ENPP2: variants seen among roughly 807,000 people sequenced by gnomAD.
ENPP2 encodes the protein ectonucleotide pyrophosphatase/phosphodiesterase 2, also known as autotaxin.
ENPP2 carries 51 observed loss-of-function variants against 120.2 expected under a neutral mutation model. The ratio of observed to expected loss-of-function variants is 0.42; its 90% CI spans 0.34 to 0.54. ENPP2 has a LOEUF of 0.54. ENPP2 is among the 20% of genes least tolerant of loss of function. The probability of loss-of-function intolerance (pLI) is 0.04; values close to 1 mark genes in which losing one functional copy is unlikely to be tolerated. For synonymous variants in ENPP2, 365 were observed against 366.4 expected, an observed-to-expected ratio of 1.00 and a Z score of 0.04; for missense variants, 920 against 1,066.5, an observed-to-expected ratio of 0.86 and a Z score of 1.91.
In ENPP2 at chr8:119,597,643, T is replaced by C. The variant is rs369715533; in HGVS notation, c.972+3035A>G. Among the ~76,000 whole-genome samples, 124 of 152,292 alleles carry C rather than the reference T, an allele frequency of 8.1e-4. 2 individuals carry two copies. The South Asian group carries it at 0.025, about 31-fold the overall frequency. ...GGTAGAGACTAGCCAGCCAAAGCTC[T>C]GCCTGTAGGCCCGGAAGAGCAGCCG... On this transcript the variant is annotated intron_variant, in intron 11 of 24. Transcript: ENST00000075322.
intron 19 of ENPP2, among the ~76,000 whole-genome samples, chr8:119,576,461 A>G (rs1462772891): frequency 1.3e-5 from 2 of 152,130 alleles, no homozygotes; most frequent in Non-Finnish European, 2.9e-5. Context: ...TCATTTTCCT[A>G]TCCAAACTAA....
chr8:119,595,138 T>A (rs1271568144), intron 11 of ENPP2, among the ~76,000 whole-genome samples: 1 of 152,226 alleles, frequency 6.6e-6, no homozygotes. Context: ...ATGAACAATG[T>A]GTTTTGATCT....
chr8:119,601,792 G>A (rs1814330405), intron 9 of ENPP2, among the ~76,000 whole-genome samples: 1 of 152,084 alleles, frequency 6.6e-6, no homozygotes, highest in African/African-American at 2.4e-5. Context: ...ATTCTGTCGA[G>A]CCTTTAGCTG....
intron 1 of ENPP2, among the ~76,000 whole-genome samples, chr8:119,667,623 C>G: frequency 6.6e-6 from 1 of 152,212 alleles, no homozygotes; most frequent in East Asian, 1.9e-4. Flanking sequence ...TTAATCCACT[C>G]TTGTCATCTT....
intron 11 of ENPP2, among the ~76,000 whole-genome samples, chr8:119,599,069 T>C (rs1212651797): frequency 1.3e-5 from 2 of 152,222 alleles, no homozygotes; most frequent in Admixed American, 6.5e-5. Flanking sequence ...TAGGTTAATC[T>C]CAAAGAAAGT....
At chr8:119,641,768 G>A (rs962900163), upstream of ENPP2, among the ~76,000 whole-genome samples, 4 of 152,172 alleles carry the variant, frequency 2.6e-5, no homozygotes, top group Non-Finnish European at 4.4e-5. Flanking sequence ...GGAGTTTAGA[G>A]GTCAGACAAG....
chr8:119,584,071 AT>A, intron 15 of ENPP2, 22 bp from the exon 16 acceptor site: 1 of 1,450,218 alleles, frequency 6.9e-7, no homozygotes, highest in Non-Finnish European at 9.7e-7. Flanking sequence ...CAATTTCATG[AT>A]TAGTTAGAAT....
chr8:119,672,958 G>A (rs1353272775), intron 1 of ENPP2, among the ~76,000 whole-genome samples: 1 of 152,222 alleles, frequency 6.6e-6, no homozygotes, highest in Non-Finnish European at 1.5e-5. Flanking sequence ...GCTTGCAGTC[G>A]AGCCGTGGTG....
Position 119,583,645 on chromosome 8 carries a change from T to C in ENPP2, c.1543+72A>G. On this transcript the variant is annotated intron_variant, in intron 17 of 24. Coordinates refer to ENST00000075322, the MANE Select transcript of ENPP2 (RefSeq NM_001040092.3). ...AGAAAATAGACACCTCATTTCTTTC[T>C]CTGACATTGAGAAAGATCATATATA... 4.7e-6 allele frequency: 4 copies of C among 856,020 alleles called. No homozygotes were observed. In the South Asian group the frequency reaches 7.0e-5, roughly 15 times the overall value. The allele number at this position is 856,020 out of a possible 1,614,324, so 53.0% of individuals were successfully genotyped here.
At chr8:119,658,403 T>C (rs1158953857) in intron 1 of ENPP2, among the ~76,000 whole-genome samples, 1 of 152,198 alleles carries the variant, frequency 6.6e-6, no homozygotes, top group East Asian at 1.9e-4. Context: ...TCTGAGTAGC[T>C]AGGACTACAG....
intron 8 of ENPP2, among the ~76,000 whole-genome samples, chr8:119,614,364 C>G (rs1333379380): frequency 1.3e-5 from 2 of 152,032 alleles, no homozygotes; most frequent in South Asian, 4.2e-4. Context: ...CACGCCCGGC[C>G]CCTCCTAGGA....
At chr8:119,605,437 T>C (rs942899055) in intron 9 of ENPP2, among the ~76,000 whole-genome samples, 14 of 148,574 alleles carry the variant, frequency 9.4e-5, no homozygotes, top group Non-Finnish European at 1.5e-4. Context: ...TATATGTGTG[T>C]GTGTGTGTGT....
chr8:119,649,480 T>C (rs574263295), intron 1 of ENPP2, among the ~76,000 whole-genome samples: 2 of 152,064 alleles, frequency 1.3e-5, no homozygotes, highest in Non-Finnish European at 2.9e-5. Context: ...AGAAATAAAT[T>C]TGACAAAATA....
intron 3 of ENPP2, among the ~76,000 whole-genome samples, chr8:119,626,023 C>T (rs1033520224): frequency 1.3e-5 from 2 of 151,952 alleles, no homozygotes; most frequent in African/African-American, 4.8e-5. Flanking sequence ...GAAACAAATG[C>T]TAGAAGCTGG....
rs1041930221 is a variant in ENPP2, at chr8:119,625,821, A to G, written c.292+744T>C. ...TGTTTTTCTCAACTCATGTGCATTC[A>G]TACAGAAGCCTGTACATCCTAGTAA... On this transcript the variant is annotated intron_variant, in intron 3 of 24. Coordinates refer to ENST00000075322, the MANE Select transcript of ENPP2 (RefSeq NM_001040092.3). Among the ~76,000 whole-genome samples the G allele has an allele frequency of 3.9e-5, 6 of 152,220 alleles. No homozygotes were observed. In the South Asian group the frequency reaches 1.2e-3, roughly 32 times the overall value.
Position 119,581,618 on chromosome 8 carries a change from C to T in ENPP2, c.1728+800G>A, listed in dbSNP as rs938259441. On this transcript the variant is annotated intron_variant, in intron 18 of 24. Coordinates refer to ENST00000075322, the MANE Select transcript of ENPP2 (RefSeq NM_001040092.3). ...TTTGGAAACTTACTCCTTCCCCTCACCCTTTAAACCTTAGAAGGTACTATG... is the reference window on the plus strand; with the variant it reads ...TTTGGAAACTTACTCCTTCCCCTCATCCTTTAAACCTTAGAAGGTACTATG... Among the ~76,000 whole-genome samples the T allele has an allele frequency of 3.3e-5, 5 of 152,260 alleles. No individual in the cohort carries two copies. In the South Asian group the frequency reaches 8.3e-4, roughly 25 times the overall value.
chr8:119,641,593 GA>G (rs1817289139), upstream of ENPP2, among the ~76,000 whole-genome samples: 1 of 152,204 alleles, frequency 6.6e-6, no homozygotes, highest in South Asian at 2.1e-4. Context: ...CCTAGAACTA[GA>G]AACAAATATT....
At chr8:119,666,777 TA>T (rs11326011) in intron 1 of ENPP2, among the ~76,000 whole-genome samples, 73,511 of 136,470 alleles carry the variant, frequency 0.54, 19,710 homozygotes, top group African/African-American at 0.73. Flanking sequence ...CAAAACTGTC[TA>T]AAAAAAAAAA....
At chr8:119,593,885 C>T (rs1274109375) in intron 11 of ENPP2, 25 bp from the exon 12 acceptor site, 5 of 1,302,748 alleles carry the variant, frequency 3.8e-6, no homozygotes, top group African/African-American at 2.9e-5. Context: ...CAAGTTAGTC[C>T]CCACAGGGTT....
Sources: gnomAD v4.1 joint callset for allele counts (sites outside exome capture counted in the v4.1 genomes callset) on GRCh38, gnomAD v4.1.1 for gene constraint, MANE v1.5 for transcripts, NCBI Gene and HGNC (gene_info 2026-07-23, HGNC 2026-07-21) for gene names.